COL19A1: variants seen among roughly 807,000 people sequenced by gnomAD.
The protein encoded by COL19A1 is collagen alpha-1(XIX) chain.
A neutral mutation model predicts 190.2 loss-of-function variants in COL19A1; 159 were observed. The ratio of observed to expected loss-of-function variants is 0.84; its 90% CI spans 0.73 to 0.95. The LOEUF (loss-of-function observed/expected upper bound fraction) is 0.95, where lower values mean the gene tolerates loss of function less well. Ranked by LOEUF, COL19A1 falls within the 40% of genes least tolerant of loss-of-function variation. The probability of loss-of-function intolerance (pLI) is 0.00; values close to 1 mark genes in which losing one functional copy is unlikely to be tolerated. For missense variants in COL19A1, 1,418 were observed against 1,431.9 expected, an observed-to-expected ratio of 0.99 and a Z score of 0.16; for synonymous variants, 509 against 458.9, an observed-to-expected ratio of 1.11 and a Z score of -1.39.
chr6:70,164,347 G>T (rs912669758), intron 36 of COL19A1, among the ~76,000 whole-genome samples: 6 of 152,178 alleles, frequency 3.9e-5, no homozygotes, highest in African/African-American at 1.4e-4. Context: ...TAGCTATTTA[G>T]ATCGGGGAAG....
rs1246405329 is a variant in COL19A1, at chr6:70,180,204, C to A, written c.2668-108C>A. On this transcript the variant is annotated intron_variant, in intron 42 of 50. Transcript: ENST00000620364. ...CCTGGCCAGAAATGCCACTGGAGAG[C>A]ATCACCCTTGGGAGCACTATAAACT... is the stretch of plus-strand genomic sequence containing the variant. The A allele has an allele frequency of 8.1e-6, 10 of 1,234,962 alleles. 1 individual carries two copies. 76.5% of individuals were successfully genotyped at this position (1,234,962 alleles called of 1,614,324 possible).
chr6:69,911,955 C>T (rs1770952429), intron 4 of COL19A1, among the ~76,000 whole-genome samples: 1 of 152,204 alleles, frequency 6.6e-6, no homozygotes, highest in Admixed American at 6.5e-5. Flanking sequence ...TTCACACATC[C>T]CTTAGCCCAT....
chr6:70,000,618 G>C (rs2144955), intron 11 of COL19A1, among the ~76,000 whole-genome samples: 1 of 152,130 alleles, frequency 6.6e-6, no homozygotes, highest in African/African-American at 2.4e-5. Context: ...TCTAATGATC[G>C]GTGATGTTGA....
intron 11 of COL19A1, among the ~76,000 whole-genome samples, chr6:69,997,028 G>T (rs12195454): frequency 0.72 from 99,297 of 137,050 alleles, 34,613 homozygotes; most frequent in African/African-American, 0.78. Context: ...TATATATATA[G>T]AGAGAGAGAG....
chr6:69,941,243 G>C (rs773940379), intron 9 of COL19A1, among the ~76,000 whole-genome samples: 7 of 152,134 alleles, frequency 4.6e-5, no homozygotes. Flanking sequence ...CCTCTTACTT[G>C]CTTTGAAAAT....
chr6:69,969,048 A>G (rs1285918495), intron 11 of COL19A1, among the ~76,000 whole-genome samples: 4 of 152,206 alleles, frequency 2.6e-5, no homozygotes, highest in Admixed American at 6.5e-5. Flanking sequence ...TCTTTATCAT[A>G]GTTTCCTCTT....
intron 14 of COL19A1, among the ~76,000 whole-genome samples, chr6:70,050,111 A>G (rs1780125683): frequency 6.6e-6 from 1 of 152,056 alleles, no homozygotes; most frequent in South Asian, 2.1e-4. Flanking sequence ...TCATCTATAA[A>G]ATGTGATACT....
intron 11 of COL19A1, among the ~76,000 whole-genome samples, chr6:69,982,765 G>T (rs1776107513): frequency 6.6e-6 from 1 of 150,760 alleles, no homozygotes; most frequent in South Asian, 2.1e-4. Flanking sequence ...GACGTCAGGA[G>T]ATCGAGACCA....
intron 41 of COL19A1, 71 bp downstream of exon 41, chr6:70,172,088 C>T: frequency 5.6e-6 from 8 of 1,428,400 alleles, no homozygotes; most frequent in Non-Finnish European, 7.8e-6. Context: ...CCTAATGTGC[C>T]AAAAACTGTT....
At chr6:70,028,235 C>T (rs1309679664) in intron 12 of COL19A1, among the ~76,000 whole-genome samples, 1 of 152,038 alleles carries the variant, frequency 6.6e-6, no homozygotes, top group Non-Finnish European at 1.5e-5. Flanking sequence ...TTAAATAGAA[C>T]CCTCTTTATA....
In COL19A1 at chr6:70,115,825, G is replaced by GTTTTT. The variant is rs57814985; in HGVS notation, c.1279-6042_1279-6038dup. ...TTTTTGTTTTGTTTTTTGGTGTTTT[G>GTTTTT]TTTTTTTTTTTTTTTTTGGTGGGGA... On this transcript the variant is annotated intron_variant, in intron 16 of 50. Coordinates refer to ENST00000620364, the MANE Select transcript of COL19A1 (RefSeq NM_001858.6). Among the ~76,000 whole-genome samples the GTTTTT allele has an allele frequency of 8.1e-3, 951 of 117,080 alleles. 25 individuals carry two copies. The highest frequency in any genetic ancestry group is 0.045 in the Admixed American group (485 of 10,776). 76.8% of individuals were successfully genotyped at this position (117,080 alleles called of 152,430 possible).
intron 18 of COL19A1, 100 bp from the exon 19 acceptor site, chr6:70,137,585 G>T: frequency 9.3e-7 from 1 of 1,073,356 alleles, no homozygotes; most frequent in South Asian, 1.4e-5. Flanking sequence ...TAGATAAATT[G>T]TATAGTTAGC....
In COL19A1 at chr6:70,176,564, G is replaced by C; in HGVS notation, c.2667G>C (p.Ser889=). 2 of 1,613,040 alleles carry C rather than the reference G, an allele frequency of 1.2e-6. No homozygotes were observed. Among genetic ancestry groups the C allele is most frequent in the Non-Finnish European group, 1.7e-6 (2 of 1,179,536 alleles). The part of the protein sequence containing the change: ...PAGPPGIAGM[S]GKPGAPGPPG... ...GTCCCCCAGGAATAGCAGGGATGTC[G>C]GTGAGTTCAGATTACTTCACATCAT... Residue 889 remains serine, a splice_region_variant and synonymous_variant, in exon 42 of 51, where the codon TCG becomes TCC. Coordinates refer to ENST00000620364, the MANE Select transcript of COL19A1 (RefSeq NM_001858.6).
rs1350957423 is a variant in COL19A1, at chr6:70,145,014, AT to A, written c.1770+9del. On this transcript the variant is annotated splice_region_variant and intron_variant, in intron 25 of 50. Coordinates refer to ENST00000620364, the MANE Select transcript of COL19A1 (RefSeq NM_001858.6). ...AAGCCTGCCAGGGGAACCAGTAAGT[AT>A]TAGCCCTTTTGTTAATATTTTTCTT... 1.2e-5 allele frequency: 18 copies of A among 1,556,510 alleles called. No homozygotes were observed. The East Asian group carries it at 4.2e-4, about 36-fold the overall frequency.
intron 9 of COL19A1, among the ~76,000 whole-genome samples, chr6:69,941,764 C>T (rs1341912081): frequency 6.6e-6 from 1 of 151,348 alleles, no homozygotes; most frequent in Non-Finnish European, 1.5e-5. Flanking sequence ...TCCCTGTTCC[C>T]TGCAACATCC....
intron 14 of COL19A1, among the ~76,000 whole-genome samples, chr6:70,059,365 A>T (rs1780690018): frequency 6.6e-6 from 1 of 152,170 alleles, no homozygotes; most frequent in Non-Finnish European, 1.5e-5. Context: ...TCACAAATGA[A>T]AATGTGTTCA....
intron 11 of COL19A1, among the ~76,000 whole-genome samples, chr6:69,977,753 T>G (rs1273160219): frequency 6.6e-6 from 1 of 152,164 alleles, no homozygotes; most frequent in East Asian, 1.9e-4. Context: ...TATCTAGGTT[T>G]ATTTTGCTAG....
intron 19 of COL19A1, among the ~76,000 whole-genome samples, chr6:70,139,048 A>T (rs572500743): frequency 6.6e-6 from 1 of 152,080 alleles, no homozygotes; most frequent in East Asian, 1.9e-4. Flanking sequence ...CACATGATGC[A>T]TGGAGGACCC....
rs759837457 is a variant in COL19A1 at position 70,034,291 on chromosome 6, G to A, written c.1127G>A (p.Gly376Glu). Residue 376 changes from glycine (G) to glutamate (E), a missense_variant, in exon 13 of 51, where the codon GGA becomes GAA. Coordinates refer to ENST00000620364, the MANE Select transcript of COL19A1 (RefSeq NM_001858.6). The stretch of plus-strand genomic sequence containing the variant: ...CCTCATGGTCCACCTGGCCCAAAAG[G>A]AGAAAAGGTATTGTGTTTACCCAGC... ...LGPHGPPGPK[G>E]EKGDTGPPGP... 2 of 1,612,750 alleles carry A rather than the reference G, an allele frequency of 1.2e-6. No individual in the cohort carries two copies. Among genetic ancestry groups the A allele is most frequent in the Admixed American group, 3.3e-5 (2 of 59,966 alleles).
Sources: allele counts gnomAD v4.1 joint callset (sites outside exome capture counted in the v4.1 genomes callset), GRCh38; gene constraint gnomAD v4.1.1; transcripts MANE v1.5; gene names NCBI Gene and HGNC (gene_info 2026-07-23, HGNC 2026-07-21).